Variants in GRM8 observed in about 807,000 individuals in gnomAD.
GRM8 encodes glutamate metabotropic receptor 8, also known as metabotropic glutamate receptor 8.
A neutral mutation model predicts 87.2 loss-of-function variants in GRM8; 47 were observed. The ratio of observed to expected loss-of-function variants is 0.54; its 90% CI spans 0.43 to 0.69. The LOEUF (loss-of-function observed/expected upper bound fraction) is 0.69, where lower values mean the gene tolerates loss of function less well. Ranked by LOEUF, GRM8 falls within the 30% of genes least tolerant of loss-of-function variation. The pLI is 0.00. For synonymous variants in GRM8, 396 were observed against 404.5 expected, an observed-to-expected ratio of 0.98 and a Z score of 0.25; for missense variants, 1,019 against 1,139.2, an observed-to-expected ratio of 0.89 and a Z score of 1.52.
At chr7:126,447,994 G>A (rs560407644) in intron 9 of GRM8, among the ~76,000 whole-genome samples, 7 of 152,080 alleles carry the variant, frequency 4.6e-5, no homozygotes, top group Non-Finnish European at 7.4e-5. Flanking sequence ...AATCTCCTAA[G>A]TTTTGCCATC....
intron 3 of GRM8, among the ~76,000 whole-genome samples, chr7:127,089,581 C>T (rs1171179623): frequency 6.6e-6 from 1 of 152,228 alleles, no homozygotes; most frequent in African/African-American, 2.4e-5. Context: ...AGACACATTC[C>T]TGTAGACTTC....
intron 9 of GRM8, among the ~76,000 whole-genome samples, chr7:126,496,509 C>G (rs1808761851): frequency 6.6e-6 from 1 of 151,994 alleles, no homozygotes; most frequent in African/African-American, 2.4e-5. Flanking sequence ...AATAGTTCCA[C>G]TACTGTGAAA....
At chr7:127,131,692 T>G (rs1827699600) in intron 2 of GRM8, among the ~76,000 whole-genome samples, 1 of 152,204 alleles carries the variant, frequency 6.6e-6, no homozygotes, top group Admixed American at 6.5e-5. Flanking sequence ...TTTTCCATAA[T>G]TTTCATTTCT....
chr7:126,678,055 T>G (rs1807173418), intron 7 of GRM8, among the ~76,000 whole-genome samples: 1 of 152,220 alleles, frequency 6.6e-6, no homozygotes, highest in East Asian at 1.9e-4. Context: ...GTTCGCTTAG[T>G]GCAGATCAAT....
chr7:126,822,360 C>T (rs553681021), intron 6 of GRM8, among the ~76,000 whole-genome samples: 102 of 152,284 alleles, frequency 6.7e-4, no homozygotes, highest in African/African-American at 2.4e-3. Context: ...CTTCTTTACA[C>T]ATGCATTTAG....
intron 7 of GRM8, among the ~76,000 whole-genome samples, chr7:126,681,370 T>A (rs1240442379): frequency 6.6e-6 from 1 of 152,102 alleles, no homozygotes; most frequent in Admixed American, 6.5e-5. Context: ...CTCTCCACAA[T>A]CCCCTGAGAG....
chr7:126,610,292 T>C (rs1263972912), intron 7 of GRM8, among the ~76,000 whole-genome samples: 1 of 152,226 alleles, frequency 6.6e-6, no homozygotes, highest in Non-Finnish European at 1.5e-5. Context: ...TGTCTTCTTG[T>C]TCCATCTAGC....
chr7:126,479,871 A>C (rs1806459996), intron 9 of GRM8, among the ~76,000 whole-genome samples: 1 of 152,078 alleles, frequency 6.6e-6, no homozygotes, highest in African/African-American at 2.4e-5. Context: ...TTATAATCTC[A>C]GCAATATACA....
At chr7:126,802,870 A>G (rs1215524665) in intron 6 of GRM8, among the ~76,000 whole-genome samples, 1 of 152,208 alleles carries the variant, frequency 6.6e-6, no homozygotes, top group Non-Finnish European at 1.5e-5. Context: ...CATGGAGACA[A>G]TGACCACTTG....
Position 127,190,732 on chromosome 7 carries a change from T to C in GRM8, c.510+51963A>G, listed in dbSNP as rs1033327266. Among the ~76,000 whole-genome samples the C allele has an allele frequency of 5.3e-5, 8 of 152,228 alleles. No individual in the cohort carries two copies. The East Asian group carries it at 9.6e-4, about 18-fold the overall frequency. On this transcript the variant is annotated intron_variant, in intron 2 of 10. Coordinates refer to ENST00000339582, the MANE Select transcript of GRM8 (RefSeq NM_000845.3). ...CAAAGATGGAACCCATGCATATTTA[T>C]AGATTCTGAAGTAACCAAACTAAAA...
chr7:126,842,398 A>C (rs887850000), intron 6 of GRM8, among the ~76,000 whole-genome samples: 1 of 152,252 alleles, frequency 6.6e-6, no homozygotes, highest in Admixed American at 6.5e-5. Flanking sequence ...TATAGTAAGA[A>C]GAAAAAGACT....
At chr7:127,142,794 G>T (rs1587125352) in intron 2 of GRM8, among the ~76,000 whole-genome samples, 1 of 152,078 alleles carries the variant, frequency 6.6e-6, no homozygotes, top group Non-Finnish European at 1.5e-5. Flanking sequence ...TTTACCATGT[G>T]CCAAGTACTT....
chr7:126,826,893 A>C (rs1275422562), intron 6 of GRM8, among the ~76,000 whole-genome samples: 2 of 152,190 alleles, frequency 1.3e-5, no homozygotes, highest in Non-Finnish European at 2.9e-5. Flanking sequence ...ATTTTTGCAT[A>C]AGGTGTAAGG....
intron 3 of GRM8, among the ~76,000 whole-genome samples, chr7:126,924,868 T>C (rs975139284): frequency 6.6e-6 from 1 of 152,082 alleles, no homozygotes; most frequent in East Asian, 1.9e-4. Context: ...GGCAGATAAA[T>C]GCTGCTTCAC....
chr7:127,022,712 T>C (rs1816397684), intron 3 of GRM8, among the ~76,000 whole-genome samples: 1 of 152,130 alleles, frequency 6.6e-6, no homozygotes, highest in Non-Finnish European at 1.5e-5. Flanking sequence ...TCATTAATTG[T>C]AATGCAAGAG....
At chr7:126,785,984 CTT>C (rs976463611) in intron 6 of GRM8, among the ~76,000 whole-genome samples, 8 of 152,106 alleles carry the variant, frequency 5.3e-5, no homozygotes, top group African/African-American at 1.9e-4. Flanking sequence ...CACATTTTGA[CTT>C]TTAATTTTAC....
At chr7:126,649,162 C>T (rs55866183) in intron 7 of GRM8, among the ~76,000 whole-genome samples, 46,736 of 152,002 alleles carry the variant, frequency 0.31, 8,047 homozygotes, top group East Asian at 0.43. Context: ...TGGTTAATAC[C>T]GAGTGTCAAC....
At chr7:126,452,391 A>G (rs1221743061) in intron 9 of GRM8, among the ~76,000 whole-genome samples, 3 of 150,998 alleles carry the variant, frequency 2.0e-5, no homozygotes, top group African/African-American at 7.3e-5. Flanking sequence ...TATGTAACTA[A>G]CCTGCATGTT....
chr7:127,107,581 T>C (rs1386988600), intron 2 of GRM8, among the ~76,000 whole-genome samples: 1 of 152,190 alleles, frequency 6.6e-6, no homozygotes, highest in Non-Finnish European at 1.5e-5. Flanking sequence ...AACTTGAAGA[T>C]GCAGGTTTGA....
Sources: allele counts gnomAD v4.1 joint callset (sites outside exome capture counted in the v4.1 genomes callset), GRCh38; gene constraint gnomAD v4.1.1; transcripts MANE v1.5; gene names NCBI Gene and HGNC (gene_info 2026-07-23, HGNC 2026-07-21).